Variants in MYRIP observed in about 807,000 individuals in gnomAD.
MYRIP encodes myosin VIIA and Rab interacting protein, also known as rab effector MyRIP.
In MYRIP, 49 loss-of-function variants were observed where a neutral mutation model predicts 98.0. That is an observed-to-expected ratio of 0.50 (90% CI 0.40 to 0.63). The LOEUF (loss-of-function observed/expected upper bound fraction) is 0.63. MYRIP is among the 30% of genes least tolerant of loss of function. The pLI is 0.00. For missense variants in MYRIP, 1,004 were observed against 1,058.2 expected (o/e 0.95, Z 0.71); for synonymous variants, 404 against 409.5 (o/e 0.99, Z 0.16).
In MYRIP at chr3:39,997,252, T is replaced by G. The variant is rs1358739782; in HGVS notation, c.111-46798T>G. Reference sequence around the variant, plus strand: ...AAATCAATGAATCTAGGAGCTGGTTTTTTGAGAAGATCAACAAAATTGATA... The same window carrying G: ...AAATCAATGAATCTAGGAGCTGGTTGTTTGAGAAGATCAACAAAATTGATA... On this transcript the variant is annotated intron_variant, in intron 2 of 16. Transcript: ENST00000302541. Among the ~76,000 whole-genome samples the G allele has an allele frequency of 3.3e-5, 5 of 152,114 alleles. No homozygotes were observed. The East Asian group carries it at 7.7e-4, about 23-fold the overall frequency.
intron 3 of MYRIP, among the ~76,000 whole-genome samples, chr3:40,122,390 ATT>A (rs1007589623): frequency 1.1e-4 from 17 of 151,446 alleles, no homozygotes; most frequent in Non-Finnish European, 2.2e-4. Flanking sequence ...TATATTTTGA[ATT>A]TTTATTTTTA....
intron 5 of MYRIP, among the ~76,000 whole-genome samples, chr3:40,165,624 T>C (rs2125592903): frequency 6.6e-6 from 1 of 152,208 alleles, no homozygotes; most frequent in East Asian, 1.9e-4. Flanking sequence ...AGAAGGATGA[T>C]AGAAATTCTC....
intron 11 of MYRIP, among the ~76,000 whole-genome samples, chr3:40,224,124 C>T (rs1441793457): frequency 1.3e-5 from 2 of 152,040 alleles, no homozygotes; most frequent in East Asian, 3.9e-4. Flanking sequence ...AGGGCAGGGG[C>T]TAGAGCAAGC....
chr3:40,148,329 C>T (rs1018354871), intron 3 of MYRIP, among the ~76,000 whole-genome samples: 4 of 152,068 alleles, frequency 2.6e-5, no homozygotes, highest in Non-Finnish European at 4.4e-5. Context: ...AAAGACTTTT[C>T]CCTTTCTTAG....
At chr3:40,019,063 G>A (rs949705479) in intron 2 of MYRIP, among the ~76,000 whole-genome samples, 1 of 152,124 alleles carries the variant, frequency 6.6e-6, no homozygotes, top group African/African-American at 2.4e-5. Context: ...TTTAACTAAT[G>A]TCTCTCCTCT....
chr3:40,221,659 T>C (rs937351449), intron 11 of MYRIP, among the ~76,000 whole-genome samples: 2 of 152,294 alleles, frequency 1.3e-5, no homozygotes, highest in African/African-American at 4.8e-5. Context: ...CATTTAGTGT[T>C]GGTAAGGGTT....
intron 11 of MYRIP, among the ~76,000 whole-genome samples, chr3:40,222,990 T>A (rs372645776): frequency 8.5e-5 from 13 of 152,310 alleles, no homozygotes; most frequent in African/African-American, 2.6e-4. Context: ...AACTAAAATC[T>A]ACATATGAAT....
chr3:39,913,580 T>C (rs1944078293), intron 2 of MYRIP, among the ~76,000 whole-genome samples: 1 of 152,152 alleles, frequency 6.6e-6, no homozygotes, highest in East Asian at 1.9e-4. Flanking sequence ...CTAGAACCCC[T>C]GAAATGGACT....
At chr3:40,131,877 TAATTTTTTTTTCAATG>T (rs1052615463) in intron 3 of MYRIP, among the ~76,000 whole-genome samples, 4 of 152,116 alleles carry the variant, frequency 2.6e-5, no homozygotes, top group Non-Finnish European at 4.4e-5. Flanking sequence ...AAAATATCTC[TAATTTTTTTTTCAATG>T]AGAGCTTCTC....
chr3:39,991,913 A>G (rs1430114484), intron 2 of MYRIP, among the ~76,000 whole-genome samples: 1 of 152,200 alleles, frequency 6.6e-6, no homozygotes, highest in African/African-American at 2.4e-5. Context: ...TGTTCCTAGA[A>G]TAGTGCATAG....
chr3:39,921,881 C>CAAAA (rs34179419), intron 2 of MYRIP, among the ~76,000 whole-genome samples: 1,062 of 75,722 alleles, frequency 0.014, 38 homozygotes, highest in African/African-American at 0.048. Flanking sequence ...GACTCCGTCT[C>CAAAA]AAAAAAAAAA....
At chr3:40,159,420 C>G (rs1950325659) in intron 4 of MYRIP, among the ~76,000 whole-genome samples, 1 of 152,042 alleles carries the variant, frequency 6.6e-6, no homozygotes, top group Non-Finnish European at 1.5e-5. Flanking sequence ...CTCTGGCTGC[C>G]CTTAACATTT....
intron 11 of MYRIP, 104 bp downstream of exon 11, chr3:40,210,197 C>T: frequency 1.4e-6 from 2 of 1,407,232 alleles, no homozygotes; most frequent in Non-Finnish European, 1.9e-6. Context: ...CCAAAGAGCT[C>T]TCTCTAAAAT....
rs1030428419 is a variant in MYRIP, at chr3:40,259,039, G to A, written c.*873G>A. 5 of 151,668 alleles carry A rather than the reference G, an allele frequency of 3.3e-5. No homozygotes were observed. The highest frequency in any genetic ancestry group is 7.3e-5 in the African/African-American group (3 of 41,010). The allele number at this position is 151,668 out of a possible 1,614,324, so 9.4% of individuals were successfully genotyped here. ...ACAAAGTTTAGGTAAATGAATTATC[G>A]CAGAGAAAAACCACATGAGAAAATT... On this transcript the variant is annotated 3_prime_UTR_variant, in exon 17 of 17. Coordinates refer to ENST00000302541, the MANE Select transcript of MYRIP (RefSeq NM_015460.4).
chr3:39,998,973 C>T (rs535466107), intron 2 of MYRIP, among the ~76,000 whole-genome samples: 5 of 152,220 alleles, frequency 3.3e-5, no homozygotes, highest in South Asian at 4.2e-4. Context: ...TGGCTAGCCA[C>T]ATGTAGAAAG....
chr3:39,977,301 G>C (rs1210246610), intron 2 of MYRIP, among the ~76,000 whole-genome samples: 2 of 152,112 alleles, frequency 1.3e-5, no homozygotes, highest in Non-Finnish European at 2.9e-5. Context: ...CCAGGCTCAG[G>C]CTTAGTCAGC....
intron 1 of MYRIP, among the ~76,000 whole-genome samples, chr3:39,870,624 T>A (rs1942759993): frequency 6.6e-6 from 1 of 152,150 alleles, no homozygotes; most frequent in Non-Finnish European, 1.5e-5. Flanking sequence ...ATCCTGTAAA[T>A]GAAGGAAGTC....
At chr3:40,108,174 TGAGAGAGAGAGAGA>T (rs72224557) in intron 3 of MYRIP, among the ~76,000 whole-genome samples, 124 of 138,308 alleles carry the variant, frequency 9.0e-4, no homozygotes, top group East Asian at 5.2e-3. Flanking sequence ...GCAGTGTTTG[TGAGAGAGAGAGAGA>T]GAGAGAGAGA....
intron 1 of MYRIP, among the ~76,000 whole-genome samples, chr3:39,872,239 C>G (rs941022693): frequency 4.6e-5 from 7 of 151,984 alleles, no homozygotes; most frequent in Non-Finnish European, 7.4e-5. Flanking sequence ...CCAACAGTCT[C>G]TATACGCTTT....
Sources: allele counts gnomAD v4.1 joint callset (sites outside exome capture counted in the v4.1 genomes callset), GRCh38; gene constraint gnomAD v4.1.1; transcripts MANE v1.5; gene names NCBI Gene and HGNC (gene_info 2026-07-23, HGNC 2026-07-21).